Variants in PEAK1 observed in about 807,000 individuals in gnomAD.
PEAK1 encodes inactive tyrosine-protein kinase PEAK1.
In PEAK1, 54 loss-of-function variants were observed where a neutral mutation model predicts 124.7. That is an observed-to-expected ratio of 0.43 (90% confidence interval 0.35 to 0.54). The LOEUF (loss-of-function observed/expected upper bound fraction) is 0.54, where lower values mean the gene tolerates loss of function less well. Among genes scored for constraint, PEAK1 ranks in the 20% least tolerant of loss-of-function variants. The probability of loss-of-function intolerance (pLI) is 0.01; values close to 1 mark genes in which losing one functional copy is unlikely to be tolerated. For missense variants in PEAK1, 2,046 were observed against 2,134.5 expected (o/e 0.96, Z 0.82); for synonymous variants, 719 against 760.0 (o/e 0.95, Z 0.89).
At chr15:77,385,018 A>G (rs1383185580) in intron 1 of PEAK1, among the ~76,000 whole-genome samples, 1 of 152,178 alleles carries the variant, frequency 6.6e-6, no homozygotes, top group East Asian at 1.9e-4. Context: ...CTCAGAGCAT[A>G]TGCAATTAAC....
At position 77,280,487 on chromosome 15, in the gene PEAK1, C is replaced by T. The variant is rs561556691; in HGVS notation, c.-275+3396G>A. Among the ~76,000 whole-genome samples, 33 of 151,882 alleles carry T rather than the reference C, an allele frequency of 2.2e-4. 1 individual carries two copies. In the Middle Eastern group the frequency reaches 0.021, roughly 95 times the overall value. ...ATTCTAGTCTTAGTTCTGTTACCAC[C>T]TATATAACACTTGAGGATGTAGCTT... is the stretch of plus-strand genomic sequence containing the variant. On this transcript the variant is annotated intron_variant, in intron 5 of 9. Coordinates refer to ENST00000682557, the MANE Select transcript of PEAK1 (RefSeq NM_001385026.1).
At chr15:77,402,865 C>T (rs1395560963) in intron 1 of PEAK1, 3 of 985,090 alleles carry the variant, frequency 3.0e-6, no homozygotes, top group Non-Finnish European at 3.6e-6. Context: ...AATATCTAAA[C>T]TTTCAATTGC....
chr15:77,309,097 T>C (rs2064275570), intron 2 of PEAK1, among the ~76,000 whole-genome samples: 1 of 152,144 alleles, frequency 6.6e-6, no homozygotes, highest in Admixed American at 6.5e-5. Context: ...AGTCATTTTA[T>C]AATTTTCTTT....
At chr15:77,164,016 C>T (rs2055887295) in intron 7 of PEAK1, among the ~76,000 whole-genome samples, 1 of 152,060 alleles carries the variant, frequency 6.6e-6, no homozygotes, top group African/African-American at 2.4e-5. Context: ...AAGGAGAGTT[C>T]AAAGTTATCA....
chr15:77,178,594 T>C (rs2057029680), intron 7 of PEAK1, 196 bp downstream of exon 7: 2 of 616,476 alleles, frequency 3.2e-6, no homozygotes, highest in African/African-American at 3.7e-5. Context: ...GATCCAGGGC[T>C]ATAAACCTTG....
downstream of PEAK1, chr15:77,105,791 T>G (rs527403384): frequency 2.6e-5 from 4 of 152,466 alleles, no homozygotes; most frequent in South Asian, 8.3e-4. Context: ...CTCTGTGGCT[T>G]AGGTTGAAAG....
At chr15:77,116,697 AATCAATCTATCTATCTATCT>A (rs2051403358) in intron 9 of PEAK1, among the ~76,000 whole-genome samples, 2 of 137,168 alleles carry the variant, frequency 1.5e-5, no homozygotes, top group African/African-American at 5.5e-5. Context: ...CATGGAAATC[AATCAATCTATCTATCTATCT>A]ATCTATCTAT....
rs373330338 is a variant in PEAK1, at chr15:77,335,408, T to C, written c.-603+29755A>G. 31 of 985,354 alleles carry C rather than the reference T, an allele frequency of 3.1e-5. No homozygotes were observed. The East Asian group carries it at 1.7e-3, about 54-fold the overall frequency. The allele number at this position is 985,354 out of a possible 1,614,324, so 61.0% of individuals were successfully genotyped here. ...TAATGGAAATTTAGATGGGTGAAGA[T>C]AGGAAACTTTTTTTTCTGCTATTTT... On this transcript the variant is annotated intron_variant, in intron 2 of 9. Coordinates refer to ENST00000682557, the MANE Select transcript of PEAK1 (RefSeq NM_001385026.1).
intron 2 of PEAK1, chr15:77,337,088 CA>C (rs2066251137): frequency 3.1e-6 from 3 of 973,992 alleles, no homozygotes; most frequent in Admixed American, 1.2e-4. Context: ...GAGAAGACAA[CA>C]AAGTAACCAA....
intron 8 of PEAK1, among the ~76,000 whole-genome samples, chr15:77,150,923 T>C (rs1410916165): frequency 4.6e-5 from 7 of 152,186 alleles, no homozygotes; most frequent in African/African-American, 1.7e-4. Flanking sequence ...TGTTGGACAT[T>C]TGGGTTGGTT....
At position 77,117,059 on chromosome 15, in the gene PEAK1, T is replaced by C. The variant is rs182524768; in HGVS notation, c.4078-1740A>G. ...GTATTTAAAAATTCTATACTAGTCATTGTTTAGTTGTATAGGAGTTGGATC... is the reference window on the plus strand; with the variant it reads ...GTATTTAAAAATTCTATACTAGTCACTGTTTAGTTGTATAGGAGTTGGATC... On this transcript the variant is annotated intron_variant, in intron 9 of 9. Transcript: ENST00000682557. Among the ~76,000 whole-genome samples the C allele has an allele frequency of 9.2e-5, 14 of 152,328 alleles. No homozygotes were observed. The East Asian group carries it at 2.5e-3, about 27-fold the overall frequency.
rs1298679246 is a variant in PEAK1 at position 77,180,391 on chromosome 15, A to C, written c.1536T>G (p.Ser512=). The change falls in exon 7 of 10, where the codon TCT becomes TCG. Residue 512 remains serine (S), a synonymous_variant. Transcript: ENST00000682557. The stretch of plus-strand genomic sequence containing the variant: ...CACTTATTTGTCCTGGTGTCAATGA[A>C]GATGATGTAACTGGAGAGTTTGGAG... ...SSTPNSPVTS[S]SLTPGQISAH... 6.8e-6 allele frequency: 11 copies of C among 1,614,134 alleles called. No individual in the cohort carries two copies. In the South Asian group the frequency reaches 1.2e-4, roughly 18 times the overall value.
At chr15:77,373,206 G>A (rs1260535640) in intron 1 of PEAK1, among the ~76,000 whole-genome samples, 1 of 152,004 alleles carries the variant, frequency 6.6e-6, no homozygotes, top group Admixed American at 6.5e-5. Flanking sequence ...GCTCTCTTAT[G>A]CCCCTATGCC....
chr15:77,193,803 T>TAACTAAACTA (rs56866442), intron 6 of PEAK1, among the ~76,000 whole-genome samples: 5,832 of 146,152 alleles, frequency 0.04, 148 homozygotes, highest in African/African-American at 0.053. Flanking sequence ...GACTCTATCT[T>TAACTAAACTA]AACTAAACTA....
At chr15:77,136,708 G>T (rs968761033) in intron 8 of PEAK1, among the ~76,000 whole-genome samples, 3 of 152,136 alleles carry the variant, frequency 2.0e-5, no homozygotes, top group Admixed American at 2.0e-4. Flanking sequence ...ATAAAAATCA[G>T]AAAATTTGCA....
intron 2 of PEAK1, among the ~76,000 whole-genome samples, chr15:77,324,400 G>A (rs561643746): frequency 1.3e-5 from 2 of 152,274 alleles, no homozygotes; most frequent in Admixed American, 1.3e-4. Flanking sequence ...AGAATCACTT[G>A]AATCCAGAAG....
intron 8 of PEAK1, among the ~76,000 whole-genome samples, chr15:77,148,449 C>T (rs545477360): frequency 1.4e-4 from 22 of 152,300 alleles, no homozygotes; most frequent in South Asian, 1.2e-3. Flanking sequence ...TCCCTGTTAG[C>T]TACCTTGGGG....
Position 77,372,192 on chromosome 15 carries a change from C to T in PEAK1, c.-665-6967G>A, listed in dbSNP as rs1271628584. Among the ~76,000 whole-genome samples the T allele has an allele frequency of 3.3e-5, 5 of 152,270 alleles. No homozygotes were observed. In the South Asian group the frequency reaches 6.2e-4, roughly 19 times the overall value. Reference sequence around the variant, plus strand: ...AGAAGATGCATTGCTCCACTGTTGTCGATTTGCTATATTTAGTAGGCTCTG... The same window carrying T: ...AGAAGATGCATTGCTCCACTGTTGTTGATTTGCTATATTTAGTAGGCTCTG... On this transcript the variant is annotated intron_variant, in intron 1 of 9. Coordinates refer to ENST00000682557, the MANE Select transcript of PEAK1 (RefSeq NM_001385026.1).
chr15:77,373,532 T>C (rs2068792548), intron 1 of PEAK1, among the ~76,000 whole-genome samples: 2 of 152,142 alleles, frequency 1.3e-5, no homozygotes, highest in African/African-American at 4.8e-5. Context: ...CATAGTCTGG[T>C]AACGTGTCAC....
Sources: gnomAD v4.1 joint callset for allele counts (sites outside exome capture counted in the v4.1 genomes callset) on GRCh38, gnomAD v4.1.1 for gene constraint, MANE v1.5 for transcripts, NCBI Gene and HGNC (gene_info 2026-07-23, HGNC 2026-07-21) for gene names.